Variants in EIF3L observed in about 807,000 individuals in gnomAD.
EIF3L encodes the protein eukaryotic translation initiation factor 3 subunit L.
EIF3L carries 32 observed loss-of-function variants against 74.6 expected under a neutral mutation model. That is an observed-to-expected ratio of 0.43 (90% confidence interval 0.32 to 0.58). The LOEUF (loss-of-function observed/expected upper bound fraction) is 0.58. Ranked by LOEUF, EIF3L falls within the 20% of genes least tolerant of loss-of-function variation. The probability of loss-of-function intolerance (pLI) is 0.06; values close to 1 mark genes in which losing one functional copy is unlikely to be tolerated. For synonymous variants in EIF3L, 256 were observed against 254.4 expected (o/e 1.01, Z -0.06); for missense variants, 474 against 707.8 (o/e 0.67, Z 3.75).
intron 7 of EIF3L, among the ~76,000 whole-genome samples, chr22:37,863,644 G>A (rs1925983025): frequency 1.3e-5 from 2 of 152,154 alleles, no homozygotes; most frequent in Non-Finnish European, 2.9e-5. Flanking sequence ...GGAGCGAGGT[G>A]GAAGTGGATT....
At chr22:37,870,421 A>G in intron 8 of EIF3L, 74 bp downstream of exon 8, 2 of 1,432,278 alleles carry the variant, frequency 1.4e-6, no homozygotes, top group Non-Finnish European at 1.9e-6. Flanking sequence ...TGAATAGATC[A>G]CTGCAAGGAG....
chr22:37,874,282 T>G, intron 8 of EIF3L, 88 bp from the exon 9 acceptor site: 430 of 1,344,662 alleles, frequency 3.2e-4, no homozygotes, highest in Non-Finnish European at 4.1e-4. Flanking sequence ...TGGCAGTAGG[T>G]GAGATGCCTA....
At chr22:37,884,079 C>T (rs1927199126) in intron 11 of EIF3L, 1 of 152,206 alleles carries the variant, frequency 6.6e-6, no homozygotes, top group Non-Finnish European at 1.5e-5. Context: ...CCAGTTCCCC[C>T]TTTCTGCCAT....
intron 8 of EIF3L, chr22:37,871,109 C>T (rs1028734336): frequency 6.6e-6 from 1 of 151,050 alleles, no homozygotes; most frequent in Non-Finnish European, 1.5e-5. Context: ...GCCTGGGCCA[C>T]AGAGCGAGAA....
intron 4 of EIF3L, among the ~76,000 whole-genome samples, chr22:37,857,369 C>A (rs1336638243): frequency 1.0e-3 from 61 of 58,254 alleles, no homozygotes; most frequent in South Asian, 2.3e-3. Context: ...GACTGCGTCC[C>A]AAAAAAAAAA....
chr22:37,881,945 T>C (rs938240663), intron 11 of EIF3L: 2 of 152,178 alleles, frequency 1.3e-5, no homozygotes, highest in Non-Finnish European at 2.9e-5. Flanking sequence ...GGCAGGAGAA[T>C]TGCTTGAGCC....
intron 11 of EIF3L, chr22:37,881,240 A>T (rs1263734378): frequency 6.6e-6 from 1 of 151,828 alleles, no homozygotes; most frequent in Non-Finnish European, 1.5e-5. Context: ...TTTCATTTTT[A>T]TTTATTTATT....
chr22:37,858,327 C>T (rs1925653805), intron 4 of EIF3L, among the ~76,000 whole-genome samples: 2 of 135,034 alleles, frequency 1.5e-5, no homozygotes, highest in South Asian at 2.4e-4. Flanking sequence ...TGGGCTCAAG[C>T]GATCCTCCCA....
intron 3 of EIF3L, among the ~76,000 whole-genome samples, chr22:37,853,987 G>T (rs1925363737): frequency 6.6e-6 from 1 of 152,206 alleles, no homozygotes; most frequent in South Asian, 2.1e-4. Context: ...TGCTTATATA[G>T]TAGCCACATG....
intron 3 of EIF3L, 160 bp downstream of exon 3, chr22:37,851,650 G>C (rs1051309872): frequency 1.7e-6 from 1 of 603,836 alleles, no homozygotes; most frequent in Non-Finnish European, 3.0e-6. Context: ...TATTTTGTTA[G>C]ACTTTATTTT....
intron 6 of EIF3L, 74 bp from the exon 7 acceptor site, chr22:37,863,198 C>T (rs950957124): frequency 1.7e-5 from 23 of 1,365,384 alleles, no homozygotes; most frequent in Non-Finnish European, 2.2e-5. Context: ...AGAGAAATTA[C>T]AAAGCATTCT....
At chr22:37,869,644 T>C (rs1220462411) in intron 7 of EIF3L, among the ~76,000 whole-genome samples, 2 of 152,166 alleles carry the variant, frequency 1.3e-5, no homozygotes, top group Non-Finnish European at 2.9e-5. Flanking sequence ...ATCTTCTCTG[T>C]GTTCGTTGTG....
At chr22:37,882,402 A>C (rs900994050) in intron 11 of EIF3L, 2 of 151,920 alleles carry the variant, frequency 1.3e-5, no homozygotes, top group Admixed American at 6.6e-5. Flanking sequence ...GGCTGAGTGC[A>C]GTGGCTCATA....
intron 5 of EIF3L, among the ~76,000 whole-genome samples, chr22:37,860,400 G>A (rs1259551620): frequency 6.6e-6 from 1 of 152,134 alleles, no homozygotes; most frequent in East Asian, 1.9e-4. Flanking sequence ...TGTCATCCAG[G>A]CTGGAATGCA....
At position 37,888,563 on chromosome 22, in the gene EIF3L, C is replaced by T. The variant is rs1927441301; in HGVS notation, c.*99C>T. ...TTACCTAGATCAGCCATCAGCCTGT[C>T]AACTCAGTTAACAAGTTAAGGACCG... On this transcript the variant is annotated 3_prime_UTR_variant, in exon 13 of 13. Coordinates refer to ENST00000652021, the MANE Select transcript of EIF3L (RefSeq NM_016091.4). The T allele has an allele frequency of 3.2e-6, 4 of 1,266,630 alleles. No individual in the cohort carries two copies. The Admixed American group carries it at 7.2e-5, about 23-fold the overall frequency. The allele number at this position is 1,266,630 out of a possible 1,614,324, so 78.5% of individuals were successfully genotyped here.
chr22:37,870,117 A>C (rs1399669267), intron 7 of EIF3L, 59 bp from the exon 8 acceptor site: 1 of 1,457,704 alleles, frequency 6.9e-7, no homozygotes, highest in Non-Finnish European at 9.3e-7. Flanking sequence ...AGCATTGTGG[A>C]CATGGATGAT....
intron 3 of EIF3L, 26 bp from the exon 4 acceptor site, chr22:37,855,539 T>G (rs1925454991): frequency 1.2e-6 from 2 of 1,608,456 alleles, no homozygotes; most frequent in African/African-American, 1.3e-5. Context: ...TTTTGGAATT[T>G]TAGAGATTTT....
chr22:37,872,585 A>G (rs1926531746), intron 8 of EIF3L, among the ~76,000 whole-genome samples: 1 of 152,128 alleles, frequency 6.6e-6, no homozygotes, highest in African/African-American at 2.4e-5. Context: ...TGGCAGATAC[A>G]AGTTTTACAA....
chr22:37,878,401 G>A, intron 11 of EIF3L: 1 of 291,816 alleles, frequency 3.4e-6, no homozygotes, highest in Admixed American at 4.8e-5. Context: ...GCAACGTAGT[G>A]AGACCTTTTC....
Sources: gnomAD v4.1 joint callset for allele counts (sites outside exome capture counted in the v4.1 genomes callset) on GRCh38, gnomAD v4.1.1 for gene constraint, MANE v1.5 for transcripts, NCBI Gene and HGNC (gene_info 2026-07-23, HGNC 2026-07-21) for gene names.